ZDHHC18: variants seen among roughly 807,000 people sequenced by gnomAD.
ZDHHC18 encodes palmitoyltransferase ZDHHC18.
A neutral mutation model predicts 37.5 loss-of-function variants in ZDHHC18; 23 were observed. That is an observed-to-expected ratio of 0.61 (90% CI 0.44 to 0.87). The LOEUF (loss-of-function observed/expected upper bound fraction) is 0.87, where lower values mean the gene tolerates loss of function less well. Ranked by LOEUF, ZDHHC18 falls within the 40% of genes least tolerant of loss-of-function variation. ZDHHC18 has a pLI of 0.00. For synonymous variants in ZDHHC18, 185 were observed against 218.7 expected, an observed-to-expected ratio of 0.85 and a Z score of 1.36; for missense variants, 406 against 525.6, an observed-to-expected ratio of 0.77 and a Z score of 2.22.
rs903172360 is a variant in ZDHHC18, at chr1:26,848,658, C to T, written c.547C>T (p.Leu183=). 6.2e-7 allele frequency: 1 copy of T among 1,613,968 alleles called. No individual in the cohort carries two copies. Among genetic ancestry groups the T allele is most frequent in the Non-Finnish European group, 8.5e-7 (1 of 1,179,972 alleles). ...YRPPPRTREV[L]INGQMVKLKY... Reference sequence around the variant, plus strand: ...GCCACCCCCTCGGACCCGGGAGGTGCTGATCAACGGGCAGATGGTGAAGCT... The same window carrying T: ...GCCACCCCCTCGGACCCGGGAGGTGTTGATCAACGGGCAGATGGTGAAGCT... Residue 183 remains leucine (L), a synonymous_variant, in exon 3 of 8, where the codon CTG becomes TTG. Coordinates refer to ENST00000374142, the MANE Select transcript of ZDHHC18 (RefSeq NM_032283.3).
chr1:26,845,466 G>A (rs753728040), intron 2 of ZDHHC18, among the ~76,000 whole-genome samples: 5 of 148,930 alleles, frequency 3.4e-5, no homozygotes, highest in Non-Finnish European at 5.9e-5. Flanking sequence ...TTGAGTAGCT[G>A]GGATTACAGG....
intron 2 of ZDHHC18, among the ~76,000 whole-genome samples, chr1:26,839,865 C>T (rs983277895): frequency 1.3e-5 from 2 of 152,170 alleles, no homozygotes; most frequent in East Asian, 1.9e-4. Flanking sequence ...CAGCACTGTC[C>T]GGTCTGAGAA....
At chr1:26,833,095 C>T (rs138554459) in intron 2 of ZDHHC18, among the ~76,000 whole-genome samples, 204 of 152,364 alleles carry the variant, frequency 1.3e-3, no homozygotes, top group South Asian at 5.0e-3. Context: ...TGACCCCCTA[C>T]TATGTGCCAG....
chr1:26,827,842 G>T (rs2081565756), intron 1 of ZDHHC18, among the ~76,000 whole-genome samples: 2 of 151,878 alleles, frequency 1.3e-5, no homozygotes, highest in Admixed American at 1.3e-4. Context: ...AGAGCTTCCT[G>T]TCCTTCCCTC....
At chr1:26,835,800 G>GTGC (rs2081608947) in intron 2 of ZDHHC18, among the ~76,000 whole-genome samples, 1 of 152,224 alleles carries the variant, frequency 6.6e-6, no homozygotes, top group African/African-American at 2.4e-5. Flanking sequence ...GAGGCAGGTG[G>GTGC]TGCTGTTCAT....
chr1:26,828,239 C>G (rs560292474), intron 1 of ZDHHC18, among the ~76,000 whole-genome samples: 7 of 147,094 alleles, frequency 4.8e-5, no homozygotes, highest in African/African-American at 1.8e-4. Context: ...GCTGTCCCCT[C>G]CCAACTCCCC....
rs536907252 is a variant in ZDHHC18 at position 26,846,736 on chromosome 1, T to C, written c.497-1872T>C. 1.6e-3 allele frequency among the ~76,000 whole-genome samples: 237 copies of C among 152,280 alleles called. 1 individual carries two copies. Among genetic ancestry groups the C allele is most frequent in the African/African-American group, 5.6e-3 (232 of 41,558 alleles). On this transcript the variant is annotated intron_variant, in intron 2 of 7. Coordinates refer to ENST00000374142, the MANE Select transcript of ZDHHC18 (RefSeq NM_032283.3). ...GAATAGTAGTTGATAGTGCATCTTA[T>C]TTGCATATATATGTTTGTTCTTCTC...
chr1:26,830,475 G>A (rs541283886), intron 1 of ZDHHC18, among the ~76,000 whole-genome samples: 10 of 152,258 alleles, frequency 6.6e-5, no homozygotes, highest in African/African-American at 2.4e-4. Context: ...AGGTACAGTA[G>A]TACAGTAACT....
Position 26,827,155 on chromosome 1 carries a change from T to C in ZDHHC18, c.335+16T>C. The C allele has an allele frequency of 7.3e-7, 1 of 1,378,626 alleles. No homozygotes were observed. Among genetic ancestry groups the C allele is most frequent in the Non-Finnish European group, 9.3e-7 (1 of 1,070,072 alleles). 85.4% of individuals were successfully genotyped at this position (1,378,626 alleles called of 1,614,324 possible). On this transcript the variant is annotated intron_variant, in intron 1 of 7. Transcript: ENST00000374142. ...TCGTCTTTGAGTGAGTTCCGCTGCC[T>C]CGGCGCCCCCTCCCAGCCCCCTGCC... is the stretch of plus-strand genomic sequence containing the variant.
At chr1:26,844,853 T>C (rs1441831724) in intron 2 of ZDHHC18, among the ~76,000 whole-genome samples, 2 of 152,222 alleles carry the variant, frequency 1.3e-5, no homozygotes, top group African/African-American at 4.8e-5. Context: ...TTAAGTCTTT[T>C]GTCCGTATTT....
intron 2 of ZDHHC18, among the ~76,000 whole-genome samples, chr1:26,846,330 T>A (rs2081666235): frequency 2.2e-5 from 2 of 92,132 alleles, no homozygotes; most frequent in African/African-American, 4.3e-5. Flanking sequence ...TTTTTTTTTT[T>A]TTTTTTTTTT....
Position 26,850,136 on chromosome 1 carries a change from C to G in ZDHHC18, c.647-165C>G, listed in dbSNP as rs535456853. Among the ~76,000 whole-genome samples, 90 of 152,298 alleles carry G rather than the reference C, an allele frequency of 5.9e-4. No homozygotes were observed. The highest frequency in any genetic ancestry group is 2.2e-3 in the African/African-American group (90 of 41,554). ...GAGAGAATGTATCAGGCAGTGGGAA[C>G]TGGTACACAAAGGACCAGAGGCAGG... On this transcript the variant is annotated intron_variant, in intron 3 of 7. Coordinates refer to ENST00000374142, the MANE Select transcript of ZDHHC18 (RefSeq NM_032283.3). The surrounding 1 kb of genome is among the most constrained non-coding windows in gnomAD (Gnocchi z 6.1).
chr1:26,827,018 G>A lies in ZDHHC18; in HGVS notation c.214G>A (p.Val72Met). The change falls in exon 1 of 8, where the codon GTG becomes ATG. Residue 72 changes from valine to methionine, a missense_variant. Physicochemically the swap from Val to Met is conservative, Grantham distance 21. Transcript: ENST00000374142. The stretch of plus-strand genomic sequence containing the variant: ...CCGCCGCCCACGGCGCAAGTGGGAG[G>A]TGTTCCCGGGTCGCAATCGCTTCTA... ...LGRRPRRKWEVFPGRNRFYCG... is the reference protein window; with the variant it reads ...LGRRPRRKWEMFPGRNRFYCG... 7.8e-7 allele frequency: 1 copy of A among 1,278,428 alleles called. No homozygotes were observed. The highest frequency in any genetic ancestry group is 9.9e-7 in the Non-Finnish European group (1 of 1,013,384). 79.2% of individuals were successfully genotyped at this position (1,278,428 alleles called of 1,614,324 possible). A position where few individuals can be genotyped will look rare whatever the true frequency, so the allele number is the denominator to read the frequency against.
At position 26,851,167 on chromosome 1, in the gene ZDHHC18, C is replaced by A. The variant is rs770015528; in HGVS notation, c.872C>A (p.Ser291Tyr). The A allele has an allele frequency of 6.2e-7, 1 of 1,614,206 alleles. No individual in the cohort carries two copies. Among genetic ancestry groups the A allele is most frequent in the Non-Finnish European group, 8.5e-7 (1 of 1,180,026 alleles). Reference sequence around the variant, plus strand: ...GTGATCTGCTTCTTCTCCATCTGGTCCATTCTGGGCCTCTCAGGGTTTCAC... The same window carrying A: ...GTGATCTGCTTCTTCTCCATCTGGTACATTCTGGGCCTCTCAGGGTTTCAC... ...ELVICFFSIW[S>Y]ILGLSGFHTY... Residue 291 changes from serine to tyrosine, a missense_variant, in exon 6 of 8, where the codon TCC becomes TAC. By Grantham distance (144) the Ser-to-Tyr change is moderately radical (BLOSUM62 -2). Transcript: ENST00000374142.
chr1:26,835,809 A>C (rs1009225708), intron 2 of ZDHHC18, among the ~76,000 whole-genome samples: 20 of 152,200 alleles, frequency 1.3e-4, no homozygotes, highest in African/African-American at 4.1e-4. Context: ...GGTGCTGTTC[A>C]TGTGAGCATG....
At chr1:26,841,964 T>A (rs907212208) in intron 2 of ZDHHC18, among the ~76,000 whole-genome samples, 5 of 151,884 alleles carry the variant, frequency 3.3e-5, no homozygotes, top group African/African-American at 1.2e-4. Context: ...TGAAACCCTG[T>A]CTCTACTAAC....
At chr1:26,835,841 C>T (rs1273948862) in intron 2 of ZDHHC18, among the ~76,000 whole-genome samples, 1 of 152,202 alleles carries the variant, frequency 6.6e-6, no homozygotes, top group African/African-American at 2.4e-5. Context: ...TGGTCCTAGG[C>T]TCATGTAGAC....
rs191003148 is a variant in ZDHHC18 at position 26,857,126 on chromosome 1, C to A, written c.*3283C>A. 1 of 152,350 alleles carries A rather than the reference C, an allele frequency of 6.6e-6. No individual in the cohort carries two copies. Among genetic ancestry groups the A allele is most frequent in the African/African-American group, 2.4e-5 (1 of 41,462 alleles). The allele number at this position is 152,350 out of a possible 1,614,324, so 9.4% of individuals were successfully genotyped here. A position where few individuals can be genotyped will look rare whatever the true frequency, so the allele number is the denominator to read the frequency against. ...CCATCAGCACAATAATGTGACTCTA[C>A]GCTGATATGCTCCCTCTCTCCTCCA... On this transcript the variant is annotated 3_prime_UTR_variant, in exon 8 of 8. Transcript: ENST00000374142.
Position 26,826,886 on chromosome 1 carries a change from G to T in ZDHHC18, c.82G>T (p.Ala28Ser). The change falls in exon 1 of 8, where the codon GCC becomes TCC. Residue 28 changes from alanine (A) to serine (S), a missense_variant. Physicochemically the swap from Ala to Ser is moderately conservative, Grantham distance 99. Transcript: ENST00000374142. This position sits in a 1 kb window ranked among gnomAD's most constrained non-coding sequence, Gnocchi z 5.2. ...CCCGGGGGCGCGCCGTCCCGGCCCC[G>T]CCGCGTCCCCGACTCCGGGCCCCGG... ...ASPGARRPGP[A>S]ASPTPGPGPA... The T allele has an allele frequency of 1.0e-6, 1 of 980,912 alleles. No homozygotes were observed. Among genetic ancestry groups the T allele is most frequent in the Non-Finnish European group, 1.2e-6 (1 of 828,456 alleles). 60.8% of individuals were successfully genotyped at this position (980,912 alleles called of 1,614,324 possible). A position where few individuals can be genotyped will look rare whatever the true frequency, so the allele number is the denominator to read the frequency against.
Sources: allele counts gnomAD v4.1 joint callset (sites outside exome capture counted in the v4.1 genomes callset), GRCh38; gene constraint gnomAD v4.1.1; non-coding constraint Gnocchi (gnomAD v3.1); transcripts MANE v1.5; gene names NCBI Gene and HGNC (gene_info 2026-07-23, HGNC 2026-07-21).